ITGAE: variants seen among roughly 807,000 people sequenced by gnomAD.
ITGAE encodes the protein integrin subunit alpha E.
ITGAE carries 99 observed loss-of-function variants against 136.5 expected under a neutral mutation model. The observed-to-expected ratio is 0.73, with a 90% CI of 0.62 to 0.86. ITGAE has a LOEUF of 0.86. ITGAE is among the 40% of genes least tolerant of loss of function. ITGAE has a pLI of 0.00. For synonymous variants in ITGAE, 613 were observed against 591.8 expected, an observed-to-expected ratio of 1.04 and a Z score of -0.52; for missense variants, 1,447 against 1,515.3, an observed-to-expected ratio of 0.95 and a Z score of 0.75.
chr17:3,725,232 C>T, intron 26 of ITGAE: 1 of 1,614,158 alleles, frequency 6.2e-7, no homozygotes, highest in Non-Finnish European at 8.5e-7. Context: ...AAGTGGTGCT[C>T]CGTCCTCTTG....
At chr17:3,796,357 C>T (rs964255392) in intron 1 of ITGAE, among the ~76,000 whole-genome samples, 3 of 152,108 alleles carry the variant, frequency 2.0e-5, no homozygotes, top group African/African-American at 7.2e-5. Flanking sequence ...GTTGCATTTC[C>T]CACCAGGACT....
At chr17:3,759,968 T>C (rs2143083202) in intron 7 of ITGAE, among the ~76,000 whole-genome samples, 1 of 152,278 alleles carries the variant, frequency 6.6e-6, no homozygotes, top group East Asian at 1.9e-4. Context: ...AGTGAGGTCA[T>C]CTTAGGCCAT....
At chr17:3,755,515 T>C (rs547735036) in intron 11 of ITGAE, among the ~76,000 whole-genome samples, 63 of 152,334 alleles carry the variant, frequency 4.1e-4, no homozygotes, top group African/African-American at 1.5e-3. Flanking sequence ...GGCCGAGTCC[T>C]GTTGCCTGGT....
intron 2 of ITGAE, among the ~76,000 whole-genome samples, chr17:3,772,891 G>C (rs2052459615): frequency 6.6e-6 from 1 of 152,238 alleles, no homozygotes; most frequent in East Asian, 1.9e-4. Flanking sequence ...ACCCCAGGTG[G>C]GTGGGGTTTT....
At chr17:3,795,618 G>A (rs763870837) in intron 1 of ITGAE, among the ~76,000 whole-genome samples, 3 of 152,260 alleles carry the variant, frequency 2.0e-5, no homozygotes, top group Non-Finnish European at 4.4e-5. Context: ...TTGGTAAACA[G>A]AGAGAGGCCA....
intron 26 of ITGAE, chr17:3,724,401 C>T: frequency 6.2e-7 from 1 of 1,611,230 alleles, no homozygotes. Flanking sequence ...GTGCGGCCAG[C>T]CCAGGGACGG....
At chr17:3,797,290 C>A (rs1318773952) in intron 1 of ITGAE, among the ~76,000 whole-genome samples, 1 of 150,072 alleles carries the variant, frequency 6.7e-6, no homozygotes, top group Non-Finnish European at 1.5e-5. Context: ...CTCAGCCTCC[C>A]GAGTAGCTGG....
At chr17:3,787,018 T>A (rs537272374) in intron 1 of ITGAE, among the ~76,000 whole-genome samples, 2 of 151,750 alleles carry the variant, frequency 1.3e-5, no homozygotes, top group Non-Finnish European at 2.9e-5. Context: ...TTAAAAATCA[T>A]ATGATTATGA....
At chr17:3,719,321 G>A (rs1187659240) in intron 29 of ITGAE, among the ~76,000 whole-genome samples, 1 of 151,224 alleles carries the variant, frequency 6.6e-6, no homozygotes, top group Non-Finnish European at 1.5e-5. Flanking sequence ...GGCATGTCTA[G>A]AGAATTGCTC....
intron 22 of ITGAE, among the ~76,000 whole-genome samples, chr17:3,731,530 C>T (rs1039517547): frequency 2.6e-5 from 4 of 151,520 alleles, no homozygotes; most frequent in East Asian, 2.0e-4. Flanking sequence ...TTAGTAGAGA[C>T]GGGGTTTCAC....
intron 30 of ITGAE, 114 bp from the exon 31 acceptor site, chr17:3,715,056 T>G (rs563282623): frequency 1.6e-6 from 1 of 638,608 alleles, no homozygotes; most frequent in East Asian, 2.7e-5. Flanking sequence ...CTTCTCATAC[T>G]TACTACTCCC....
chr17:3,723,569 G>A, intron 27 of ITGAE, 119 bp downstream of exon 27: 1 of 1,152,666 alleles, frequency 8.7e-7, no homozygotes, highest in Admixed American at 2.3e-5. Context: ...GCTAGGGAGG[G>A]CCTGGCAGCC....
At chr17:3,785,651 C>G (rs549518556) in intron 1 of ITGAE, among the ~76,000 whole-genome samples, 36 of 151,822 alleles carry the variant, frequency 2.4e-4, no homozygotes, top group African/African-American at 8.5e-4. Flanking sequence ...GCAAATCAGA[C>G]CTAAAGGAAG....
intron 26 of ITGAE, chr17:3,725,814 A>G: frequency 6.2e-7 from 1 of 1,611,978 alleles, no homozygotes; most frequent in Non-Finnish European, 8.5e-7. Flanking sequence ...TACTGCAAAG[A>G]GCATTCTACA....
At position 3,731,271 on chromosome 17, in the gene ITGAE, A is replaced by C. The variant is rs1444243568; in HGVS notation, c.2755-88T>G. ...TAGCTACTCGTGGAACAGACCTAGG[A>C]GACGATTCCTCAGATTTTCACATTC... On this transcript the variant is annotated intron_variant, in intron 22 of 30. Coordinates refer to ENST00000263087, the MANE Select transcript of ITGAE (RefSeq NM_002208.5). The C allele has an allele frequency of 5.5e-6, 5 of 913,018 alleles. No individual in the cohort carries two copies. In the East Asian group the frequency reaches 1.3e-4, roughly 23 times the overall value. The allele number at this position is 913,018 out of a possible 1,614,324, so 56.6% of individuals were successfully genotyped here. A position where few individuals can be genotyped will look rare whatever the true frequency, so the allele number is the denominator to read the frequency against.
intron 1 of ITGAE, among the ~76,000 whole-genome samples, chr17:3,780,940 GT>G (rs1483011064): frequency 6.6e-6 from 1 of 151,804 alleles, no homozygotes; most frequent in Non-Finnish European, 1.5e-5. Flanking sequence ...CTGGGCTCAA[GT>G]AATCCTGCCA....
chr17:3,723,522 G>A (rs16953429), intron 27 of ITGAE, 139 bp from the exon 28 acceptor site: 345,834 of 987,564 alleles, frequency 0.35, 65,591 homozygotes, highest in East Asian at 0.6. Context: ...CGGCCCAAGC[G>A]AAGCTCCAGC....
intron 1 of ITGAE, among the ~76,000 whole-genome samples, chr17:3,792,006 G>A (rs1056354844): frequency 2.0e-5 from 3 of 152,206 alleles, no homozygotes; most frequent in Admixed American, 2.0e-4. Context: ...ACTTGAGGAG[G>A]AGGAGGAACC....
At chr17:3,726,270 A>G (rs1164113233) in intron 26 of ITGAE, 1 of 1,614,218 alleles carries the variant, frequency 6.2e-7, no homozygotes, top group Admixed American at 1.7e-5. Context: ...GGAGTTCCAC[A>G]GGACAATGCT....
Sources: gnomAD v4.1 joint callset for allele counts (sites outside exome capture counted in the v4.1 genomes callset) on GRCh38, gnomAD v4.1.1 for gene constraint, MANE v1.5 for transcripts, NCBI Gene and HGNC (gene_info 2026-07-23, HGNC 2026-07-21) for gene names.